ERC1: variants seen among roughly 807,000 people sequenced by gnomAD.
The protein encoded by ERC1 is ELKS/RAB6-interacting/CAST family member 1, also known as RAB6 interacting protein 2.
ERC1 carries 56 observed loss-of-function variants against 132.0 expected under a neutral mutation model. The observed-to-expected ratio is 0.42, with a 90% CI of 0.34 to 0.53. The LOEUF is 0.53. ERC1 is among the 20% of genes least tolerant of loss of function. The pLI is 0.03. For synonymous variants in ERC1, 478 were observed against 476.1 expected (o/e 1.00, Z -0.05); for missense variants, 1,202 against 1,349.9 (o/e 0.89, Z 1.72).
chr12:1,189,745 G>A, intron 11 of ERC1, 114 bp from the exon 12 acceptor site: 1 of 739,462 alleles, frequency 1.4e-6, no homozygotes, highest in Non-Finnish European at 2.1e-6. Context: ...CAAACTAACT[G>A]GTAGATATTT....
upstream of ERC1, chr12:990,290 C>T (rs1466734243): frequency 1.3e-5 from 2 of 151,882 alleles, no homozygotes; most frequent in East Asian, 3.9e-4. Context: ...TTCTTACTTT[C>T]TTGGTTTAGA....
At chr12:1,071,415 G>A (rs974491190) in intron 2 of ERC1, among the ~76,000 whole-genome samples, 4 of 152,148 alleles carry the variant, frequency 2.6e-5, no homozygotes, top group African/African-American at 9.7e-5. Flanking sequence ...AGTTACTAAA[G>A]ATACTAGTCA....
chr12:1,306,191 C>T (rs907237887), intron 15 of ERC1, among the ~76,000 whole-genome samples: 13 of 152,210 alleles, frequency 8.5e-5, no homozygotes, highest in African/African-American at 2.2e-4. Flanking sequence ...TGATAAACAC[C>T]TTCGTATCTC....
At chr12:1,429,473 T>C (rs1243192058) in intron 17 of ERC1, among the ~76,000 whole-genome samples, 1 of 152,254 alleles carries the variant, frequency 6.6e-6, no homozygotes, top group Non-Finnish European at 1.5e-5. Context: ...CAAGTTCATG[T>C]AGAATAATTC....
intron 17 of ERC1, among the ~76,000 whole-genome samples, chr12:1,414,206 C>A (rs999009213): frequency 6.6e-6 from 1 of 152,138 alleles, no homozygotes. Context: ...GGTTGGAGAC[C>A]CCTGGCTTAA....
At chr12:1,122,909 C>T (rs1000444503) in intron 7 of ERC1, among the ~76,000 whole-genome samples, 6 of 152,042 alleles carry the variant, frequency 3.9e-5, no homozygotes, top group Admixed American at 2.0e-4. Context: ...AGTGCTCCTT[C>T]CCCTTTCAGC....
At chr12:1,330,241 C>T (rs1033016013) in intron 15 of ERC1, among the ~76,000 whole-genome samples, 2 of 152,186 alleles carry the variant, frequency 1.3e-5, no homozygotes, top group Non-Finnish European at 2.9e-5. Context: ...TTTTCTGTCC[C>T]CCTTTCCACA....
intron 2 of ERC1, among the ~76,000 whole-genome samples, chr12:1,045,079 A>G (rs1207228560): frequency 6.6e-6 from 1 of 152,162 alleles, no homozygotes; most frequent in African/African-American, 2.4e-5. Context: ...TGACTTAACA[A>G]GGCAGTGGAG....
At chr12:1,020,797 A>G (rs1966242978) in intron 1 of ERC1, 1 of 152,154 alleles carries the variant, frequency 6.6e-6, no homozygotes, top group African/African-American at 2.4e-5. Context: ...AAAGTACATC[A>G]TTGGAAGCAA....
intron 16 of ERC1, among the ~76,000 whole-genome samples, chr12:1,395,697 A>G (rs1268925250): frequency 6.6e-6 from 1 of 152,190 alleles, no homozygotes; most frequent in Non-Finnish European, 1.5e-5. Context: ...CAGGAATCCC[A>G]TGCAAGCGTT....
intron 18 of ERC1, among the ~76,000 whole-genome samples, chr12:1,465,343 CTT>C (rs1452942303): frequency 2.0e-5 from 3 of 152,166 alleles, no homozygotes; most frequent in African/African-American, 7.2e-5. Context: ...TTCTTCCAAA[CTT>C]TTAAATTGTT....
At chr12:1,015,488 C>A (rs1965375056) in intron 1 of ERC1, among the ~76,000 whole-genome samples, 1 of 152,134 alleles carries the variant, frequency 6.6e-6, no homozygotes, top group Admixed American at 6.6e-5. Context: ...TTTAAGCGGT[C>A]TCCTTGCTGG....
At chr12:1,331,866 A>T (rs1370768923) in intron 15 of ERC1, among the ~76,000 whole-genome samples, 1 of 152,102 alleles carries the variant, frequency 6.6e-6, no homozygotes, top group Non-Finnish European at 1.5e-5. Context: ...AGCTTTCTAG[A>T]TCTCTCCTTA....
chr12:1,177,607 C>T (rs1269767892), intron 8 of ERC1, among the ~76,000 whole-genome samples: 6 of 152,268 alleles, frequency 3.9e-5, no homozygotes, highest in South Asian at 2.1e-4. Context: ...CCATCTCATA[C>T]GGGCAGAGTT....
intron 18 of ERC1, among the ~76,000 whole-genome samples, chr12:1,462,987 T>C (rs2093672330): frequency 1.3e-5 from 2 of 152,128 alleles, no homozygotes; most frequent in Non-Finnish European, 2.9e-5. Flanking sequence ...TGAACCACAG[T>C]GGAATCAACT....
At chr12:1,118,393 C>A (rs181284054) in intron 7 of ERC1, among the ~76,000 whole-genome samples, 151 of 152,302 alleles carry the variant, frequency 9.9e-4, no homozygotes, top group African/African-American at 3.5e-3. Context: ...CCAGGTCTCA[C>A]CCAGATGGGC....
rs565330620 is a variant in ERC1 at position 1,333,584 on chromosome 12, G to C, written c.2781-38249G>C. 1.1e-4 allele frequency among the ~76,000 whole-genome samples: 16 copies of C among 152,134 alleles called. No homozygotes were observed. In the East Asian group the frequency reaches 2.9e-3, roughly 28 times the overall value. ...CTGACCTCATGATCCACCCATCTCA[G>C]CCTCCCAAAGTGCTGGGATTACAGG... On this transcript the variant is annotated intron_variant, in intron 15 of 18. Coordinates refer to ENST00000360905, the MANE Select transcript of ERC1 (RefSeq NM_178040.4).
intron 1 of ERC1, among the ~76,000 whole-genome samples, chr12:996,324 G>C (rs1339639343): frequency 8.0e-6 from 1 of 125,018 alleles, no homozygotes; most frequent in African/African-American, 3.1e-5. Flanking sequence ...GGATGGTCTT[G>C]ATCTCCTGAC....
intron 8 of ERC1, among the ~76,000 whole-genome samples, chr12:1,156,040 A>G (rs1399551923): frequency 6.6e-6 from 1 of 151,960 alleles, no homozygotes; most frequent in African/African-American, 2.4e-5. Context: ...TTTATGTGTT[A>G]TATACCTTTT....
Sources: gnomAD v4.1 joint callset for allele counts (sites outside exome capture counted in the v4.1 genomes callset) on GRCh38, gnomAD v4.1.1 for gene constraint, MANE v1.5 for transcripts, NCBI Gene and HGNC (gene_info 2026-07-23, HGNC 2026-07-21) for gene names.